Variants in RBM12B observed in about 807,000 individuals in gnomAD.
RBM12B encodes RNA binding motif protein 12B.
RBM12B carries 10 observed loss-of-function variants against 34.3 expected under a neutral mutation model. The ratio of observed to expected loss-of-function variants is 0.29; its 90% confidence interval spans 0.18 to 0.49. RBM12B has a LOEUF of 0.49. Among genes scored for constraint, RBM12B ranks in the 20% least tolerant of loss-of-function variants. The pLI, the probability that RBM12B is intolerant of heterozygous loss-of-function variation, is 0.99. For synonymous variants in RBM12B, 477 were observed against 437.1 expected, an observed-to-expected ratio of 1.09 and a Z score of -1.14; for missense variants, 1,139 against 1,262.7, an observed-to-expected ratio of 0.90 and a Z score of 1.48.
rs1415336223 is a variant in RBM12B at position 93,735,973 on chromosome 8, C to G, written c.438G>C (p.Lys146Asn). ...GTGHGNLRPRKTRPLKAENPY... is the reference protein window; with the variant it reads ...GTGHGNLRPRNTRPLKAENPY... ...GATTCTCGGCCTTCAATGGCCTTGTCTTTCTTGGCCTTAAATTACCATGTC... is the reference window on the plus strand; with the variant it reads ...GATTCTCGGCCTTCAATGGCCTTGTGTTTCTTGGCCTTAAATTACCATGTC... Residue 146 changes from lysine (K) to asparagine (N), a missense_variant, in exon 4 of 4, where the codon AAG becomes AAC. Lys to Asn is a moderately conservative substitution (Grantham distance 94). Coordinates refer to ENST00000520560, the MANE Select transcript of RBM12B (RefSeq NM_001377960.1). The G allele has an allele frequency of 6.2e-7, 1 of 1,614,046 alleles. No homozygotes were observed. Among genetic ancestry groups the G allele is most frequent in the East Asian group, 2.2e-5 (1 of 44,892 alleles).
In RBM12B at chr8:93,736,079, T is replaced by G. The variant is rs766745992; in HGVS notation, c.332A>C (p.Glu111Ala). The G allele has an allele frequency of 6.2e-6, 10 of 1,614,062 alleles. No individual in the cohort carries two copies. In the African/African-American group the frequency reaches 9.3e-5, roughly 15 times the overall value. The change falls in exon 4 of 4, where the codon GAG (glutamate) becomes GCG (alanine). Residue 111 changes from glutamate to alanine, a missense_variant. By Grantham distance (107) the Glu-to-Ala change is moderately radical. Transcript: ENST00000520560. ...SGVDSLSNFI[E>A]SVKEEASNSG... ...ATTACTTGCTTCTTCCTTAACAGAC[T>G]CAATAAAATTAGACAGGCTGTCAAC... is the stretch of plus-strand genomic sequence containing the variant.
Position 93,728,195 on chromosome 8 carries a change from CTTT to C in RBM12B, c.*5207_*5209del. ...ATTTTTATTTTAAAAAGTGTGTTAACTTTTAACAGGTATCCACTTGTCGACTAA... is the reference window on the plus strand; with the variant it reads ...ATTTTTATTTTAAAAAGTGTGTTAACTAACAGGTATCCACTTGTCGACTAA... On this transcript the variant is annotated 3_prime_UTR_variant, in exon 4 of 4. Coordinates refer to ENST00000520560, the MANE Select transcript of RBM12B (RefSeq NM_001377960.1). 1 of 1,518,922 alleles carries C rather than the reference CTTT, an allele frequency of 6.6e-7. No homozygotes were observed. Among genetic ancestry groups the C allele is most frequent in the South Asian group, 1.4e-5 (1 of 73,606 alleles). 94.1% of individuals were successfully genotyped at this position (1,518,922 alleles called of 1,614,324 possible). A position where few individuals can be genotyped will look rare whatever the true frequency, so the allele number is the denominator to read the frequency against.
chr8:93,734,020 GCGCCTGAAATGCTCCTGAGGCGGC>G lies in RBM12B; in HGVS notation c.2367_2390del (p.Pro790_Arg797del), dbSNP rs776452600. On this transcript the variant is annotated inframe_deletion, in exon 4 of 4. Transcript: ENST00000520560. Reference sequence around the variant, plus strand: ...GGTGCCTGAAATCTTCCTCTCGGGAGCGCCTGAAATGCTCCTGAGGCGGCCGCCTGAAATGCTCCTGGGGCGGTC... The same window carrying G: ...GGTGCCTGAAATCTTCCTCTCGGGAGCGCCTGAAATGCTCCTGGGGCGGTC... 330 of 1,607,006 alleles carry G rather than the reference GCGCCTGAAATGCTCCTGAGGCGGC, an allele frequency of 2.1e-4. No homozygotes were observed. Among genetic ancestry groups the G allele is most frequent in the East Asian group, 4.7e-4 (21 of 44,760 alleles).
rs746699067 is a variant in RBM12B at position 93,733,936 on chromosome 8, CTCATCAGGAGGGTGCCTAAAGTCT to C, written c.2451_2474del (p.His821_Arg828del). The C allele has an allele frequency of 7.4e-6, 12 of 1,612,728 alleles. No individual in the cohort carries two copies. Among genetic ancestry groups the C allele is most frequent in the Non-Finnish European group, 1.0e-5 (12 of 1,179,458 alleles). ...CTTCCTCCTGGGGGCTCCTGAAGTC[CTCATCAGGAGGGTGCCTAAAGTCT>C]TCATCAGGAGGGCCCCTGAAGTCTT... On this transcript the variant is annotated inframe_deletion, in exon 4 of 4. Coordinates refer to ENST00000520560, the MANE Select transcript of RBM12B (RefSeq NM_001377960.1).
In RBM12B at chr8:93,734,279, G is replaced by C. The variant is rs539511814; in HGVS notation, c.2132C>G (p.Pro711Arg). ...GGGTGACTGCCTGAAGTCCTCCTCA[G>C]GGGAATGCCTGAAATCCTCCTCTGG... ...RPPEEDFRHS[P>R]EEDFRQSPQE... The change falls in exon 4 of 4, where the codon CCT becomes CGT. Residue 711 changes from proline to arginine, a missense_variant. Physicochemically the swap from Pro to Arg is moderately radical, Grantham distance 103 (BLOSUM62 -2). Coordinates refer to ENST00000520560, the MANE Select transcript of RBM12B (RefSeq NM_001377960.1). 23 of 1,613,774 alleles carry C rather than the reference G, an allele frequency of 1.4e-5. No individual in the cohort carries two copies. In the East Asian group the frequency reaches 4.9e-4, roughly 34 times the overall value.
chr8:93,733,328 A>T lies in RBM12B; in HGVS notation c.*77T>A. 1 of 1,193,880 alleles carries T rather than the reference A, an allele frequency of 8.4e-7. No homozygotes were observed. Among genetic ancestry groups the T allele is most frequent in the Non-Finnish European group, 1.1e-6 (1 of 901,144 alleles). 74.0% of individuals were successfully genotyped at this position (1,193,880 alleles called of 1,614,324 possible). A position where few individuals can be genotyped will look rare whatever the true frequency, so the allele number is the denominator to read the frequency against. On this transcript the variant is annotated 3_prime_UTR_variant, in exon 4 of 4. Coordinates refer to ENST00000520560, the MANE Select transcript of RBM12B (RefSeq NM_001377960.1). Reference sequence around the variant, plus strand: ...ATTTCATTAGATAATTTAAAAAAAAAACACTTTTTTAAAACAAATGTATTT... The same window carrying T: ...ATTTCATTAGATAATTTAAAAAAAATACACTTTTTTAAAACAAATGTATTT...
chr8:93,737,807 CAAAAAAAA>C (rs78204688), intron 2 of RBM12B, among the ~76,000 whole-genome samples: 23 of 100,598 alleles, frequency 2.3e-4, no homozygotes, highest in African/African-American at 5.7e-4. Flanking sequence ...ACCCAAAGTT[CAAAAAAAA>C]AAAAAAAAAA....
In RBM12B at chr8:93,730,055, T is replaced by C. The variant is rs1586305389; in HGVS notation, c.*3350A>G. 6.6e-6 allele frequency: 1 copy of C among 152,360 alleles called. No homozygotes were observed. Among genetic ancestry groups the C allele is most frequent in the South Asian group, 2.1e-4 (1 of 4,828 alleles). The allele number at this position is 152,360 out of a possible 1,614,324, so 9.4% of individuals were successfully genotyped here. A position where few individuals can be genotyped will look rare whatever the true frequency, so the allele number is the denominator to read the frequency against. ...ATGAGCATTTTCTTTGAGCATCATGTTGGCACTCAAAAAGTTTGTGATTTT... is the reference window on the plus strand; with the variant it reads ...ATGAGCATTTTCTTTGAGCATCATGCTGGCACTCAAAAAGTTTGTGATTTT... On this transcript the variant is annotated 3_prime_UTR_variant, in exon 4 of 4. Transcript: ENST00000520560.
rs1244509980 is a variant in RBM12B at position 93,736,061 on chromosome 8, G to C, written c.350C>G (p.Ala117Gly). ...SNFIESVKEE[A>G]SNSGYGSSIN... ...TGAAGAGCCATATCCAGAATTACTT[G>C]CTTCTTCCTTAACAGACTCAATAAA... is the stretch of plus-strand genomic sequence containing the variant. The change falls in exon 4 of 4, where the codon GCA becomes GGA. Residue 117 changes from alanine (A) to glycine (G), a missense_variant. Physicochemically the swap from Ala to Gly is moderately conservative, Grantham distance 60. Transcript: ENST00000520560. 6.2e-7 allele frequency: 1 copy of C among 1,614,078 alleles called. No individual in the cohort carries two copies. Among genetic ancestry groups the C allele is most frequent in the Non-Finnish European group, 8.5e-7 (1 of 1,180,028 alleles).
At position 93,736,293 on chromosome 8, in the gene RBM12B, T is replaced by G; in HGVS notation, c.118A>C (p.Ile40Leu). ...DGGVHIIGGE[I>L]GEAFIIFATD... Reference sequence around the variant, plus strand: ...GCAAAAATAATAAAAGCCTCCCCAATTTCCCCTCCAATTATATGCACTCCT... The same window carrying G: ...GCAAAAATAATAAAAGCCTCCCCAAGTTCCCCTCCAATTATATGCACTCCT... Residue 40 changes from isoleucine to leucine, a missense_variant, in exon 4 of 4, where the codon ATT (isoleucine) becomes CTT (leucine). This residue lies in a region of RBM12B where 216 missense variants were observed against 292.2 expected (regional missense o/e 0.74). Transcript: ENST00000520560. The G allele has an allele frequency of 1.2e-6, 2 of 1,614,070 alleles. No individual in the cohort carries two copies. The highest frequency in any genetic ancestry group is 1.7e-6 in the Non-Finnish European group (2 of 1,180,024).
chr8:93,728,512 G>C lies in RBM12B; in HGVS notation c.*4893C>G, dbSNP rs1811648603. On this transcript the variant is annotated 3_prime_UTR_variant, in exon 4 of 4. Coordinates refer to ENST00000520560, the MANE Select transcript of RBM12B (RefSeq NM_001377960.1). ...TCCTACCTAGTGTTACATGATTTTT[G>C]TGTAAGTGCCTTTTTTTTTAAAGAT... The C allele has an allele frequency of 1.1e-5, 4 of 379,112 alleles. No individual in the cohort carries two copies. The highest frequency in any genetic ancestry group is 1.9e-5 in the Non-Finnish European group (4 of 211,124). 23.5% of individuals were successfully genotyped at this position (379,112 alleles called of 1,614,324 possible).
Position 93,734,144 on chromosome 8 carries a change from C to G in RBM12B, c.2267G>C (p.Arg756Pro). ...HFRRPPPEHF[R>P]RPPPEHFRRP... Reference sequence around the variant, plus strand: ...CCTGAAGTGCTCTGGGGGTGGCCGCCGGAAGTGCTCTGGGGGAGGCCGCCT... The same window carrying G: ...CCTGAAGTGCTCTGGGGGTGGCCGCGGGAAGTGCTCTGGGGGAGGCCGCCT... The change falls in exon 4 of 4, where the codon CGG (arginine) becomes CCG (proline). Residue 756 changes from arginine to proline, a missense_variant. By Grantham distance (103) the Arg-to-Pro change is moderately radical. Around this residue, in one of 3 missense-constraint regions of RBM12B, gnomAD observed 863 missense variants for 869.5 expected, o/e 0.99. Coordinates refer to ENST00000520560, the MANE Select transcript of RBM12B (RefSeq NM_001377960.1). 1 of 1,562,460 alleles carries G rather than the reference C, an allele frequency of 6.4e-7. No homozygotes were observed.
Position 93,728,265 on chromosome 8 carries a change from G to C in RBM12B, c.*5140C>G. 1.9e-6 allele frequency: 3 copies of C among 1,594,576 alleles called. No homozygotes were observed. Among genetic ancestry groups the C allele is most frequent in the African/African-American group, 1.4e-5 (1 of 73,060 alleles). On this transcript the variant is annotated 3_prime_UTR_variant, in exon 4 of 4. Transcript: ENST00000520560. ...AGAAGATGATGAGGATGACGAGTTA[G>C]ATGTTACAGAAGAAGAAAATTTTCT...
At chr8:93,739,743 TC>T (rs1812134757) in intron 2 of RBM12B, among the ~76,000 whole-genome samples, 1 of 152,236 alleles carries the variant, frequency 6.6e-6, no homozygotes, top group Non-Finnish European at 1.5e-5. Context: ...AAGACAATAA[TC>T]TGTTAAAATT....
intron 2 of RBM12B, chr8:93,739,980 T>C (rs899542334): frequency 3.3e-6 from 1 of 303,448 alleles, no homozygotes; most frequent in African/African-American, 2.2e-5. Flanking sequence ...ATCCATTTGA[T>C]TTTTAACTAG....
chr8:93,738,884 T>TC (rs1254647107), intron 2 of RBM12B: 1 of 152,174 alleles, frequency 6.6e-6, no homozygotes, highest in East Asian at 1.9e-4. Flanking sequence ...AGGTCTGTTT[T>TC]CCTTTAAAAA....
rs753571911 is a variant in RBM12B, at chr8:93,735,576, G to A, written c.835C>T (p.Arg279Cys). The A allele has an allele frequency of 4.0e-5, 64 of 1,613,966 alleles. 1 individual carries two copies. The highest frequency in any genetic ancestry group is 1.2e-4 in the South Asian group (11 of 91,076). The change falls in exon 4 of 4, where the codon CGT (arginine) becomes TGT (cysteine). Residue 279 changes from arginine to cysteine, a missense_variant. Physicochemically the swap from Arg to Cys is radical, Grantham distance 180 (BLOSUM62 -3). Transcript: ENST00000520560. ...HSKSPRRTRS[R>C]SPLGFYVHLK... ...TGAACATAAAATCCAAGAGGGGAAC[G>A]AGAACGTGTTCTTCTGGGAGATTTT...
Position 93,735,800 on chromosome 8 carries a change from C to T in RBM12B, c.611G>A (p.Cys204Tyr). Residue 204 changes from cysteine to tyrosine, a missense_variant, in exon 4 of 4, where the codon TGT (cysteine) becomes TAT (tyrosine). Transcript: ENST00000520560. ...TTTAAGACCTCCTGAAGCATCAACA[C>T]ATGAAGCAAATTTTACTATGGCATC... The part of the protein sequence containing the change: ...NGDAIVKFAS[C>Y]VDASGGLKCH... 1 of 1,614,104 alleles carries T rather than the reference C, an allele frequency of 6.2e-7. No individual in the cohort carries two copies. Among genetic ancestry groups the T allele is most frequent in the East Asian group, 2.2e-5 (1 of 44,878 alleles).
Position 93,734,827 on chromosome 8 carries a change from T to A in RBM12B, c.1584A>T (p.Arg528Ser). The change falls in exon 4 of 4, where the codon AGA (arginine) becomes AGT (serine). Residue 528 changes from arginine (R) to serine (S), a missense_variant. Physicochemically the swap from Arg to Ser is moderately radical, Grantham distance 110 (BLOSUM62 -1). Coordinates refer to ENST00000520560, the MANE Select transcript of RBM12B (RefSeq NM_001377960.1). ...GTTGCCTCAAGTCCTCTAGCTGATG[T>A]CTAAAGTTTTCAAAAGCACCAACTG... is the stretch of plus-strand genomic sequence containing the variant. ...IYSVGAFENF[R>S]HQLEDLRQLD... is the part of the protein sequence containing the mutation. The A allele has an allele frequency of 6.2e-7, 1 of 1,614,202 alleles. No individual in the cohort carries two copies. Among genetic ancestry groups the A allele is most frequent in the Non-Finnish European group, 8.5e-7 (1 of 1,180,030 alleles).
Sources: allele counts gnomAD v4.1 joint callset (sites outside exome capture counted in the v4.1 genomes callset), GRCh38; gene constraint gnomAD v4.1.1; regional missense constraint gnomAD v4.1.1; transcripts MANE v1.5; gene names NCBI Gene and HGNC (gene_info 2026-07-23, HGNC 2026-07-21).